The following SULT1B1 variants were observed in gnomAD, a reference collection of about 807,000 sequenced individuals.
SULT1B1 encodes the protein sulfotransferase family 1B member 1.
SULT1B1 carries 28 observed loss-of-function variants against 34.6 expected under a neutral mutation model. The observed-to-expected ratio is 0.81, with a 90% CI of 0.60 to 1.11. The LOEUF (loss-of-function observed/expected upper bound fraction) is 1.11. SULT1B1 is among the 50% of genes least tolerant of loss of function. The pLI is 0.00. For synonymous variants in SULT1B1, 147 were observed against 110.2 expected, an observed-to-expected ratio of 1.33 and a Z score of -2.09; for missense variants, 374 against 352.2, an observed-to-expected ratio of 1.06 and a Z score of -0.50.
At chr4:69,740,861 G>T (rs1273093408) in intron 4 of SULT1B1, among the ~76,000 whole-genome samples, 3 of 151,904 alleles carry the variant, frequency 2.0e-5, no homozygotes, top group African/African-American at 4.8e-5. Context: ...ATATTTTCTC[G>T]CATTTTCTAT....
rs1409102494 is a variant in SULT1B1, at chr4:69,722,690, T to A, written c.*4398A>T. On this transcript the variant is annotated 3_prime_UTR_variant, in exon 8 of 8. Coordinates refer to ENST00000310613, the MANE Select transcript of SULT1B1 (RefSeq NM_014465.4). ...TTTGTTGTTACCACTAGACCAATCCTTTGCTGGGGTTGGAAAAGAGAAATG... is the reference window on the plus strand; with the variant it reads ...TTTGTTGTTACCACTAGACCAATCCATTGCTGGGGTTGGAAAAGAGAAATG... The A allele has an allele frequency of 6.6e-6, 1 of 152,148 alleles. No individual in the cohort carries two copies. Among genetic ancestry groups the A allele is most frequent in the Non-Finnish European group, 1.5e-5 (1 of 68,030 alleles). 9.4% of individuals were successfully genotyped at this position (152,148 alleles called of 1,614,324 possible).
At chr4:69,750,607 G>T (rs1353913301) in intron 3 of SULT1B1, among the ~76,000 whole-genome samples, 2 of 152,142 alleles carry the variant, frequency 1.3e-5, no homozygotes, top group African/African-American at 4.8e-5. Flanking sequence ...CTCACTCATT[G>T]AAAACAATGC....
intron 1 of SULT1B1, among the ~76,000 whole-genome samples, chr4:69,755,759 C>T (rs561526571): frequency 6.6e-6 from 1 of 152,038 alleles, no homozygotes; most frequent in Non-Finnish European, 1.5e-5. Context: ...TGGTTATTTT[C>T]ATGTGTGTGT....
At chr4:69,727,559 A>G (rs1317859443) in intron 7 of SULT1B1, among the ~76,000 whole-genome samples, 1 of 149,368 alleles carries the variant, frequency 6.7e-6, no homozygotes, top group Non-Finnish European at 1.5e-5. Context: ...ACTTGGATCA[A>G]TAGTCAGGCA....
At position 69,749,659 on chromosome 4, in the gene SULT1B1, CTAT is replaced by C. The variant is rs1163546104; in HGVS notation, c.375+59_375+61del. The C allele has an allele frequency of 1.3e-4, 157 of 1,170,736 alleles. No homozygotes were observed. The Middle Eastern group carries it at 2.6e-3, about 19-fold the overall frequency. The allele number at this position is 1,170,736 out of a possible 1,614,324, so 72.5% of individuals were successfully genotyped here. A position where few individuals can be genotyped will look rare whatever the true frequency, so the allele number is the denominator to read the frequency against. On this transcript the variant is annotated intron_variant, in intron 4 of 7. Coordinates refer to ENST00000310613, the MANE Select transcript of SULT1B1 (RefSeq NM_014465.4). Reference sequence around the variant, plus strand: ...AACAAAAAATATTTTAAAAAATAAACTATGTGAGTGGGTAAAGGGATAGGGCCA... The same window carrying C: ...AACAAAAAATATTTTAAAAAATAAACGTGAGTGGGTAAAGGGATAGGGCCA...
intron 4 of SULT1B1, among the ~76,000 whole-genome samples, chr4:69,744,499 G>A (rs1372960118): frequency 1.3e-5 from 2 of 152,182 alleles, no homozygotes; most frequent in African/African-American, 2.4e-5. Flanking sequence ...CACTGCAGCC[G>A]ATGTGATGGC....
At chr4:69,738,141 G>T (rs1233357574) in intron 4 of SULT1B1, among the ~76,000 whole-genome samples, 4 of 152,256 alleles carry the variant, frequency 2.6e-5, no homozygotes, top group African/African-American at 4.8e-5. Flanking sequence ...AAATTAATTT[G>T]CTTAGAATAA....
chr4:69,740,230 T>A (rs1718490593), intron 4 of SULT1B1, among the ~76,000 whole-genome samples: 1 of 152,188 alleles, frequency 6.6e-6, no homozygotes, highest in African/African-American at 2.4e-5. Flanking sequence ...ATTCTCACAC[T>A]GCTATAAAGA....
chr4:69,731,468 A>G (rs149936587), intron 6 of SULT1B1, among the ~76,000 whole-genome samples: 66 of 152,334 alleles, frequency 4.3e-4, no homozygotes, highest in African/African-American at 1.6e-3. Flanking sequence ...GTGTTAGTCT[A>G]TAGACCAGTA....
At chr4:69,734,040 G>C in intron 5 of SULT1B1, 98 bp downstream of exon 5, 1 of 1,048,514 alleles carries the variant, frequency 9.5e-7, no homozygotes. Context: ...CTTTTCACTA[G>C]ATTGGAAAAA....
intron 3 of SULT1B1, among the ~76,000 whole-genome samples, chr4:69,752,723 C>A (rs1344600444): frequency 6.6e-6 from 1 of 152,240 alleles, no homozygotes; most frequent in Non-Finnish European, 1.5e-5. Flanking sequence ...ACGGAAGTAA[C>A]TAGTTCAGTC....
rs552665423 is a variant in SULT1B1, at chr4:69,751,445, C to T, written c.278-1627G>A. On this transcript the variant is annotated intron_variant, in intron 3 of 7. Coordinates refer to ENST00000310613, the MANE Select transcript of SULT1B1 (RefSeq NM_014465.4). Reference sequence around the variant, plus strand: ...CAACAAAATTATCCACATTCAGGCTCTGGAGTTTGTTTGTTTGTTTATTTG... The same window carrying T: ...CAACAAAATTATCCACATTCAGGCTTTGGAGTTTGTTTGTTTGTTTATTTG... 2.4e-4 allele frequency among the ~76,000 whole-genome samples: 36 copies of T among 152,250 alleles called. 1 individual carries two copies. Among genetic ancestry groups the T allele is most frequent in the African/African-American group, 7.2e-4 (30 of 41,568 alleles).
intron 4 of SULT1B1, among the ~76,000 whole-genome samples, chr4:69,744,513 A>G (rs555059718): frequency 6.6e-6 from 1 of 152,326 alleles, no homozygotes; most frequent in African/African-American, 2.4e-5. Context: ...TGATGGCAGC[A>G]GCCACTCTGG....
chr4:69,752,626 A>G (rs1169202402), intron 3 of SULT1B1, among the ~76,000 whole-genome samples: 1 of 152,222 alleles, frequency 6.6e-6, no homozygotes, highest in Non-Finnish European at 1.5e-5. Context: ...TTTTTAAACA[A>G]AACAAAACAA....
At chr4:69,758,923 G>C (rs975652924) in intron 1 of SULT1B1, among the ~76,000 whole-genome samples, 2 of 152,146 alleles carry the variant, frequency 1.3e-5, no homozygotes, top group African/African-American at 4.8e-5. Context: ...CCTTAACGGA[G>C]AGCTTGTTGG....
At chr4:69,736,319 C>G (rs1282997573) in intron 4 of SULT1B1, among the ~76,000 whole-genome samples, 4 of 152,188 alleles carry the variant, frequency 2.6e-5, no homozygotes, top group Non-Finnish European at 5.9e-5. Flanking sequence ...GAGATGGCCT[C>G]AGAGCCAGTG....
At chr4:69,758,278 T>C (rs1281204924) in intron 1 of SULT1B1, 1 of 983,094 alleles carries the variant, frequency 1.0e-6, no homozygotes, top group Non-Finnish European at 1.2e-6. Flanking sequence ...AAGAAATGAA[T>C]GAATGATGAG....
chr4:69,744,896 T>C (rs1354570698), intron 4 of SULT1B1, among the ~76,000 whole-genome samples: 1 of 152,218 alleles, frequency 6.6e-6, no homozygotes, highest in African/African-American at 2.4e-5. Context: ...GCTTTAGCTA[T>C]GTCTCAAAGA....
intron 6 of SULT1B1, 93 bp from the exon 7 acceptor site, chr4:69,730,774 C>T: frequency 8.9e-6 from 10 of 1,118,900 alleles, no homozygotes; most frequent in Non-Finnish European, 1.3e-5. Context: ...TAAATGTTGA[C>T]TCTGAATAGT....
Sources: gnomAD v4.1 joint callset for allele counts (sites outside exome capture counted in the v4.1 genomes callset) on GRCh38, gnomAD v4.1.1 for gene constraint, MANE v1.5 for transcripts, NCBI Gene and HGNC (gene_info 2026-07-23, HGNC 2026-07-21) for gene names.